Variants in AK3 observed in about 807,000 individuals in gnomAD.
AK3 encodes GTP:AMP phosphotransferase AK3, mitochondrial.
In AK3, 27 loss-of-function variants were observed where a neutral mutation model predicts 23.7. The observed-to-expected ratio is 1.14, with a 90% CI of 0.84 to 1.57. The LOEUF (loss-of-function observed/expected upper bound fraction) is 1.57, where lower values mean the gene tolerates loss of function less well. Among genes scored for constraint, AK3 ranks in the 40% most tolerant of loss-of-function variants. AK3 has a pLI of 0.00. For missense variants in AK3, 406 were observed against 285.6 expected, an observed-to-expected ratio of 1.42 and a Z score of -3.04; for synonymous variants, 159 against 116.0, an observed-to-expected ratio of 1.37 and a Z score of -2.38.
chr9:4,740,709 C>T (rs1399690747), intron 1 of AK3, among the ~76,000 whole-genome samples: 1 of 152,206 alleles, frequency 6.6e-6, no homozygotes, highest in East Asian at 1.9e-4. Context: ...CTCGACCTAA[C>T]TTTCCAGTCC....
chr9:4,741,072 G>A lies in AK3; in HGVS notation c.16C>T (p.Arg6Trp), dbSNP rs1459455854. The change falls in exon 1 of 5, where the codon CGG (arginine) becomes TGG (tryptophan). Residue 6 changes from arginine (R) to tryptophan (W), a missense_variant. By Grantham distance (101) the Arg-to-Trp change is moderately radical. Coordinates refer to ENST00000381809, the MANE Select transcript of AK3 (RefSeq NM_016282.4). MGASA[R>W]LLRAVIMGAP... ...CCCATGATCACCGCTCGCAGCAGCC[G>A]CGCGGACGCCCCCATGGCCGCAGAC... The A allele has an allele frequency of 2.8e-5, 44 of 1,548,646 alleles. No individual in the cohort carries two copies. Among genetic ancestry groups the A allele is most frequent in the East Asian group, 1.5e-4 (6 of 39,646 alleles).
At chr9:4,715,301 G>A (rs957532622) in intron 4 of AK3, among the ~76,000 whole-genome samples, 3 of 150,470 alleles carry the variant, frequency 2.0e-5, no homozygotes, top group African/African-American at 7.3e-5. Context: ...AAAGCCAGAA[G>A]GAGCCTAGAA....
chr9:4,740,082 G>GAAATA (rs1842392218), intron 1 of AK3, among the ~76,000 whole-genome samples: 1 of 134,698 alleles, frequency 7.4e-6, no homozygotes, highest in African/African-American at 2.9e-5. Context: ...AAAAAAGAAG[G>GAAATA]AAAACAAAAG....
intron 1 of AK3, among the ~76,000 whole-genome samples, chr9:4,731,908 G>A (rs897395775): frequency 6.6e-6 from 1 of 152,046 alleles, no homozygotes; most frequent in African/African-American, 2.4e-5. Context: ...TCTTTATGAC[G>A]ATCCACTTCC....
chr9:4,739,791 C>T (rs1842381706), intron 1 of AK3, among the ~76,000 whole-genome samples: 1 of 151,876 alleles, frequency 6.6e-6, no homozygotes, highest in Non-Finnish European at 1.5e-5. Flanking sequence ...ATTAGCCCGG[C>T]GTGGTGGCAT....
Position 4,726,652 on chromosome 9 carries a change from A to C in AK3, c.152-4027T>G, listed in dbSNP as rs143684079. 4.5e-3 allele frequency among the ~76,000 whole-genome samples: 681 copies of C among 151,946 alleles called. 7 individuals are homozygous for C. Among genetic ancestry groups the C allele is most frequent in the African/African-American group, 0.016 (652 of 41,390 alleles). On this transcript the variant is annotated intron_variant, in intron 1 of 4. Transcript: ENST00000381809. Reference sequence around the variant, plus strand: ...CCTACACTGAAGGCTTGAACCCCTTAAAGTCATCCATGAGGGTTGGAATCA... The same window carrying C: ...CCTACACTGAAGGCTTGAACCCCTTCAAGTCATCCATGAGGGTTGGAATCA...
At chr9:4,736,589 G>A (rs1245842347) in intron 1 of AK3, among the ~76,000 whole-genome samples, 1 of 151,778 alleles carries the variant, frequency 6.6e-6, no homozygotes, top group Non-Finnish European at 1.5e-5. Context: ...GGGACTGACA[G>A]AAGTCTTGAA....
chr9:4,741,002 G>A lies in AK3; in HGVS notation c.86C>T (p.Thr29Ile), dbSNP rs202145269. 35 of 1,596,204 alleles carry A rather than the reference G, an allele frequency of 2.2e-5. No individual in the cohort carries two copies. Among genetic ancestry groups the A allele is most frequent in the Non-Finnish European group, 2.9e-5 (34 of 1,173,172 alleles). The change falls in exon 1 of 5, where the codon ACA becomes ATA. Residue 29 changes from threonine to isoleucine, a missense_variant. By Grantham distance (89) the Thr-to-Ile change is moderately conservative. Transcript: ENST00000381809. ...GKGTVSSRIT[T>I]HFELKHLSSG... ...GGAGAGGTGCTTCAGCTCGAAGTGT[G>A]TAGTGATGCGCGACGACACGGTGCC...
chr9:4,730,331 T>C (rs1439918238), intron 1 of AK3, among the ~76,000 whole-genome samples: 1 of 152,160 alleles, frequency 6.6e-6, no homozygotes, highest in Non-Finnish European at 1.5e-5. Context: ...GTATGGTATG[T>C]GAATTAAATC....
chr9:4,737,352 T>C (rs1174637279), intron 1 of AK3, among the ~76,000 whole-genome samples: 1 of 152,160 alleles, frequency 6.6e-6, no homozygotes, highest in South Asian at 2.1e-4. Flanking sequence ...AAATACTGCA[T>C]AGAGAAAAGA....
At chr9:4,719,438 T>A in intron 2 of AK3, 131 bp from the exon 3 acceptor site, 1 of 848,754 alleles carries the variant, frequency 1.2e-6, no homozygotes, top group Non-Finnish European at 1.8e-6. Context: ...GGAATGAGGC[T>A]CACCAGGCAG....
intron 1 of AK3, among the ~76,000 whole-genome samples, chr9:4,729,723 A>T (rs1438186461): frequency 6.6e-6 from 1 of 151,604 alleles, no homozygotes; most frequent in Non-Finnish European, 1.5e-5. Context: ...GCTACTTGGG[A>T]GGCTCAGGTG....
At chr9:4,722,394 C>T in intron 2 of AK3, 112 bp downstream of exon 2, 1 of 1,475,700 alleles carries the variant, frequency 6.8e-7, no homozygotes, top group Non-Finnish European at 9.2e-7. Context: ...TCCCAAGCAC[C>T]CCTCTCCCCA....
At chr9:4,739,316 G>T (rs561959583) in intron 1 of AK3, among the ~76,000 whole-genome samples, 1 of 151,228 alleles carries the variant, frequency 6.6e-6, no homozygotes, top group Non-Finnish European at 1.5e-5. Flanking sequence ...TCAGCCTCCC[G>T]AGTAGCTAGG....
chr9:4,729,831 C>CT (rs1255857018), intron 1 of AK3, among the ~76,000 whole-genome samples: 1 of 111,906 alleles, frequency 8.9e-6, no homozygotes, highest in Non-Finnish European at 2.0e-5. Flanking sequence ...GACTGTGTCT[C>CT]TTAAAAAAAA....
chr9:4,725,782 C>G (rs1161828355), intron 1 of AK3, among the ~76,000 whole-genome samples: 1 of 152,112 alleles, frequency 6.6e-6, no homozygotes, highest in East Asian at 1.9e-4. Flanking sequence ...ATTTCTTCAA[C>G]GATATACAAA....
At chr9:4,721,217 A>T (rs1042676902) in intron 2 of AK3, among the ~76,000 whole-genome samples, 13 of 152,068 alleles carry the variant, frequency 8.5e-5, no homozygotes, top group African/African-American at 3.1e-4. Flanking sequence ...AGTCTGGCCA[A>T]CATAGTGAAA....
At chr9:4,738,191 G>C (rs1027796848) in intron 1 of AK3, among the ~76,000 whole-genome samples, 5 of 152,038 alleles carry the variant, frequency 3.3e-5, no homozygotes, top group African/African-American at 1.2e-4. Flanking sequence ...TTGAGACAGA[G>C]TTCCGCTCTT....
At position 4,709,625 on chromosome 9, in the gene AK3, G is replaced by C. The variant is rs1841497514; in HGVS notation, c.*3351C>G. 1 of 152,198 alleles carries C rather than the reference G, an allele frequency of 6.6e-6. No homozygotes were observed. The highest frequency in any genetic ancestry group is 1.9e-4 in the East Asian group (1 of 5,176). 9.4% of individuals were successfully genotyped at this position (152,198 alleles called of 1,614,324 possible). A position where few individuals can be genotyped will look rare whatever the true frequency, so the allele number is the denominator to read the frequency against. On this transcript the variant is annotated 3_prime_UTR_variant, in exon 5 of 5. Transcript: ENST00000381809. The stretch of plus-strand genomic sequence containing the variant: ...AATCAGTGTTTATATTATTTAGTGA[G>C]CTAAAAACAAATAAAAAGCAGGAGG...
Sources: gnomAD v4.1 joint callset for allele counts (sites outside exome capture counted in the v4.1 genomes callset) on GRCh38, gnomAD v4.1.1 for gene constraint, MANE v1.5 for transcripts, NCBI Gene and HGNC (gene_info 2026-07-23, HGNC 2026-07-21) for gene names.